SESN1: variants seen among roughly 807,000 people sequenced by gnomAD.
SESN1 encodes the protein sestrin-1.
SESN1 carries 30 observed loss-of-function variants against 59.3 expected under a neutral mutation model. The ratio of observed to expected loss-of-function variants is 0.51; its 90% CI spans 0.38 to 0.69. SESN1 has a LOEUF of 0.69. SESN1 is among the 30% of genes least tolerant of loss of function. The pLI, the probability that SESN1 is intolerant of heterozygous loss-of-function variation, is 0.00. For missense variants in SESN1, 566 were observed against 673.0 expected, an observed-to-expected ratio of 0.84 and a Z score of 1.76; for synonymous variants, 197 against 219.9, an observed-to-expected ratio of 0.90 and a Z score of 0.92.
chr6:109,075,296 T>G (rs183627488), intron 1 of SESN1, among the ~76,000 whole-genome samples: 1 of 152,336 alleles, frequency 6.6e-6, no homozygotes, highest in East Asian at 1.9e-4. Flanking sequence ...TGGTTCCTAA[T>G]GATCCTCCTG....
intron 1 of SESN1, among the ~76,000 whole-genome samples, chr6:109,035,270 A>G (rs1468242941): frequency 4.6e-5 from 7 of 152,242 alleles, no homozygotes; most frequent in South Asian, 2.1e-4. Context: ...CTGAGCATCT[A>G]GTGTGTGTTA....
At position 108,992,288 on chromosome 6, in the gene SESN1, A is replaced by AT. The variant is rs939044762; in HGVS notation, c.1233+498dup. On this transcript the variant is annotated intron_variant, in intron 7 of 9. Coordinates refer to ENST00000436639, the MANE Select transcript of SESN1 (RefSeq NM_014454.3). ...TAATTTTATTTTATTTTTTATTTTT[A>AT]TTTTTTTTGTGGAGACAGGGTTTCC... Among the ~76,000 whole-genome samples, 8 of 151,166 alleles carry AT rather than the reference A, an allele frequency of 5.3e-5. No individual in the cohort carries two copies. In the South Asian group the frequency reaches 6.3e-4, roughly 12 times the overall value.
In SESN1 at chr6:108,988,580, T is replaced by C; in HGVS notation, c.1532A>G (p.Tyr511Cys). ...CTTGAACTGCCTCCAGAAGCTATCA[T>C]ACATTCTTTTGGTAACCTTTTCAGG... is the stretch of plus-strand genomic sequence containing the variant. ...CTPEKVTKRM[Y>C]DSFWRQFKHS... is the part of the protein sequence containing the mutation. The change falls in exon 9 of 10, where the codon TAT becomes TGT. Residue 511 changes from tyrosine to cysteine, a missense_variant. Tyr to Cys is a radical substitution (Grantham distance 194). Transcript: ENST00000436639. 6.2e-7 allele frequency: 1 copy of C among 1,613,196 alleles called. No homozygotes were observed. The highest frequency in any genetic ancestry group is 8.5e-7 in the Non-Finnish European group (1 of 1,179,634).
rs146143997 is a variant in SESN1, at chr6:109,010,471, A to T, written c.280-8128T>A. On this transcript the variant is annotated intron_variant, in intron 1 of 9. Transcript: ENST00000436639. The stretch of plus-strand genomic sequence containing the variant: ...CAAAAAAAGTTGGAACATTCTGACA[A>T]GGAAACAAGTGGAATTTATAGCAGT... 3.4e-4 allele frequency among the ~76,000 whole-genome samples: 52 copies of T among 152,346 alleles called. No individual in the cohort carries two copies. In the East Asian group the frequency reaches 9.6e-3, roughly 28 times the overall value.
At chr6:108,993,994 A>G (rs1157448407) in intron 6 of SESN1, among the ~76,000 whole-genome samples, 2 of 152,018 alleles carry the variant, frequency 1.3e-5, no homozygotes, top group Non-Finnish European at 2.9e-5. Context: ...TAAAAAATTA[A>G]GCAGGCATGG....
At chr6:109,017,375 GC>G (rs1779943832) in intron 1 of SESN1, among the ~76,000 whole-genome samples, 1 of 152,004 alleles carries the variant, frequency 6.6e-6, no homozygotes, top group African/African-American at 2.4e-5. Flanking sequence ...AAGCTCCACT[GC>G]CCGGGTTCAC....
Position 109,001,498 on chromosome 6 carries a change from T to TGA in SESN1, c.346-12_346-11dup, listed in dbSNP as rs71758052. On this transcript the variant is annotated splice_polypyrimidine_tract_variant and intron_variant, in intron 2 of 9. Coordinates refer to ENST00000436639, the MANE Select transcript of SESN1 (RefSeq NM_014454.3). ...TCCCCACTTGGAGGATCTGTATAAA[T>TGA]GAGAAAAACCATGGTTACTGAAATG... 0.1 allele frequency: 162,908 copies of TGA among 1,610,506 alleles called. 8,981 individuals carry two copies. Among genetic ancestry groups the TGA allele is most frequent in the South Asian group, 0.19 (16,969 of 90,674 alleles).
At chr6:109,030,594 G>A (rs1350639059) in intron 1 of SESN1, among the ~76,000 whole-genome samples, 2 of 152,068 alleles carry the variant, frequency 1.3e-5, no homozygotes, top group South Asian at 2.1e-4. Flanking sequence ...GCTGGGATGT[G>A]GCTTAGAGAA....
At chr6:109,050,256 T>C (rs986821816) in intron 1 of SESN1, among the ~76,000 whole-genome samples, 1 of 152,138 alleles carries the variant, frequency 6.6e-6, no homozygotes, top group Non-Finnish European at 1.5e-5. Flanking sequence ...ACTGACCAAT[T>C]GTGCTACCAG....
Position 109,094,247 on chromosome 6 carries a change from T to C in SESN1, c.-174A>G. 2 of 658,206 alleles carry C rather than the reference T, an allele frequency of 3.0e-6. No individual in the cohort carries two copies. The highest frequency in any genetic ancestry group is 2.9e-5 in the Admixed American group (1 of 33,912). The allele number at this position is 658,206 out of a possible 1,614,324, so 40.8% of individuals were successfully genotyped here. On this transcript the variant is annotated 5_prime_UTR_variant, in exon 1 of 10. Coordinates refer to ENST00000436639, the MANE Select transcript of SESN1 (RefSeq NM_014454.3). ...TGGTGCCTTCAGCCGATCTACAAGC[T>C]AGGTCACCCTCTCACCCTCTCCTTG...
intron 1 of SESN1, among the ~76,000 whole-genome samples, chr6:109,068,640 G>A (rs1463354900): frequency 6.6e-6 from 1 of 151,372 alleles, no homozygotes; most frequent in Admixed American, 6.6e-5. Context: ...AGAGTAATTT[G>A]AGATTCAATC....
intron 1 of SESN1, among the ~76,000 whole-genome samples, chr6:109,081,437 C>A (rs191193389): frequency 3.5e-4 from 54 of 152,250 alleles, no homozygotes; most frequent in African/African-American, 1.3e-3. Context: ...GTTTTTAACC[C>A]ATCTGGGCCT....
At chr6:108,990,350 G>A (rs1351629351) in intron 8 of SESN1, among the ~76,000 whole-genome samples, 1 of 152,224 alleles carries the variant, frequency 6.6e-6, no homozygotes, top group Non-Finnish European at 1.5e-5. Context: ...TACTAAAGGT[G>A]TTCAGTTACA....
chr6:109,009,875 C>T (rs1187451462), intron 1 of SESN1, among the ~76,000 whole-genome samples: 1 of 152,028 alleles, frequency 6.6e-6, no homozygotes, highest in Non-Finnish European at 1.5e-5. Context: ...CACCCCTGCT[C>T]GGCCATTTAC....
chr6:108,994,398 A>T, intron 6 of SESN1, 64 bp downstream of exon 6: 2 of 1,360,108 alleles, frequency 1.5e-6, no homozygotes, highest in Non-Finnish European at 1.0e-6. Context: ...AAAGTTATTT[A>T]AATTCTCTAA....
intron 7 of SESN1, among the ~76,000 whole-genome samples, chr6:108,991,853 G>A (rs187715301): frequency 3.1e-4 from 47 of 152,216 alleles, no homozygotes; most frequent in Non-Finnish European, 5.7e-4. Flanking sequence ...TCAGAAGTAG[G>A]AATCTTTAGC....
At chr6:108,989,530 TAG>T (rs1322551247) in intron 8 of SESN1, among the ~76,000 whole-genome samples, 11 of 103,484 alleles carry the variant, frequency 1.1e-4, no homozygotes, top group Non-Finnish European at 1.6e-4. Flanking sequence ...GAGATATCTA[TAG>T]AGATAGAGAT....
chr6:109,043,412 G>A (rs1780372406), intron 1 of SESN1, among the ~76,000 whole-genome samples: 2 of 151,838 alleles, frequency 1.3e-5, no homozygotes, highest in South Asian at 2.1e-4. Flanking sequence ...AACAACAAAC[G>A]GAATAAATAA....
At chr6:109,009,552 C>T (rs1779816007) in intron 1 of SESN1, 2 of 991,300 alleles carry the variant, frequency 2.0e-6, no homozygotes, top group Non-Finnish European at 1.2e-6. Flanking sequence ...TCAGCACGGA[C>T]GGCGGGGGGG....
Sources: allele counts gnomAD v4.1 joint callset (sites outside exome capture counted in the v4.1 genomes callset), GRCh38; gene constraint gnomAD v4.1.1; transcripts MANE v1.5; gene names NCBI Gene and HGNC (gene_info 2026-07-23, HGNC 2026-07-21).